SH2D7: variants seen among roughly 807,000 people sequenced by gnomAD.
SH2D7 encodes the protein SH2 domain containing 7, also known as SH2 domain-containing protein 7.
SH2D7 carries 32 observed loss-of-function variants against 40.8 expected under a neutral mutation model. That is an observed-to-expected ratio of 0.78 (90% CI 0.59 to 1.05). The LOEUF (loss-of-function observed/expected upper bound fraction) is 1.05. SH2D7 is among the 50% of genes least tolerant of loss of function. The pLI, the probability that SH2D7 is intolerant of heterozygous loss-of-function variation, is 0.00. For missense variants in SH2D7, 559 were observed against 566.6 expected (o/e 0.99, Z 0.14); for synonymous variants, 195 against 221.5 (o/e 0.88, Z 1.06).
At chr15:78,094,078 A>G in intron 1 of SH2D7, 34 bp from the exon 2 acceptor site, 1 of 1,574,310 alleles carries the variant, frequency 6.4e-7, no homozygotes, top group Non-Finnish European at 8.6e-7. Flanking sequence ...CCATTAGGGC[A>G]CAGACCCCAG....
chr15:78,100,208 C>T (rs905117791), intron 4 of SH2D7, among the ~76,000 whole-genome samples: 6 of 152,226 alleles, frequency 3.9e-5, no homozygotes, highest in African/African-American at 1.4e-4. Context: ...CACTGTCTGG[C>T]ACATAGTTGG....
Position 78,099,312 on chromosome 15 carries a change from CATTTTT to C in SH2D7, c.645+729_645+734del, listed in dbSNP as rs1347624956. Among the ~76,000 whole-genome samples the C allele has an allele frequency of 2.6e-5, 4 of 151,358 alleles. No individual in the cohort carries two copies. The East Asian group carries it at 5.9e-4, about 22-fold the overall frequency. On this transcript the variant is annotated intron_variant, in intron 4 of 5. Transcript: ENST00000328828. ...ACAGGCATGAGCCACTGTGCCCAGC[CATTTTT>C]ATTTTTATTTTTGAGACAGAGTCTC...
At chr15:78,090,623 CCATCATCATCATCAT>C (rs59098608), upstream of SH2D7, among the ~76,000 whole-genome samples, 15 of 146,458 alleles carry the variant, frequency 1.0e-4, no homozygotes, top group South Asian at 2.2e-4. Flanking sequence ...TCTTGCATCA[CCATCATCATCATCAT>C]CATCATCATC....
chr15:78,095,988 A>G (rs935547356), intron 2 of SH2D7, among the ~76,000 whole-genome samples: 1 of 151,990 alleles, frequency 6.6e-6, no homozygotes, highest in Non-Finnish European at 1.5e-5. Context: ...GACTACAGGC[A>G]CACGCCACCA....
chr15:78,093,866 A>G (rs1435784253), intron 1 of SH2D7, among the ~76,000 whole-genome samples: 1 of 152,208 alleles, frequency 6.6e-6, no homozygotes, highest in Admixed American at 6.5e-5. Flanking sequence ...GGGGGGTTGC[A>G]TATGGCTTCA....
At chr15:78,092,963 C>T (rs913666095) in intron 1 of SH2D7, among the ~76,000 whole-genome samples, 7 of 152,128 alleles carry the variant, frequency 4.6e-5, no homozygotes, top group Non-Finnish European at 1.0e-4. Flanking sequence ...GGGAGGGCAA[C>T]GGCCTCTACT....
At position 78,102,288 on chromosome 15, in the gene SH2D7, AT is replaced by A. The variant is rs2074023327; in HGVS notation, c.1305+734del. Among the ~76,000 whole-genome samples, 4 of 152,142 alleles carry A rather than the reference AT, an allele frequency of 2.6e-5. No individual in the cohort carries two copies. The South Asian group carries it at 8.3e-4, about 32-fold the overall frequency. On this transcript the variant is annotated intron_variant, in intron 5 of 5. Transcript: ENST00000328828. ...ACCAAACCAAAACAAAACAAAAACC[AT>A]TTTAAAGTATGTCTTAAATACCACA...
At chr15:78,099,840 G>T (rs2074000638) in intron 4 of SH2D7, among the ~76,000 whole-genome samples, 1 of 151,042 alleles carries the variant, frequency 6.6e-6, no homozygotes. Flanking sequence ...CCACCTCAGG[G>T]CCTCTGCACT....
intron 5 of SH2D7, among the ~76,000 whole-genome samples, chr15:78,102,694 G>A (rs993982860): frequency 1.3e-5 from 2 of 152,146 alleles, no homozygotes; most frequent in Non-Finnish European, 2.9e-5. Context: ...GGTCTGATAA[G>A]TAAGGAAGAG....
Position 78,101,430 on chromosome 15 carries a change from A to C in SH2D7, c.1177A>C (p.Ser393Arg). The C allele has an allele frequency of 6.2e-7, 1 of 1,613,384 alleles. No individual in the cohort carries two copies. The change falls in exon 5 of 6, where the codon AGT (serine) becomes CGT (arginine). Residue 393 changes from serine to arginine, a missense_variant. Physicochemically the swap from Ser to Arg is moderately radical, Grantham distance 110. Coordinates refer to ENST00000328828, the MANE Select transcript of SH2D7 (RefSeq NM_001101404.2). ...GPARAPHPGA[S>R]PTYSPWVHGY... ...AGCCAGGGCCCCACATCCTGGGGCC[A>C]GTCCCACATATAGCCCATGGGTCCA...
At chr15:78,092,471 G>A (rs2073945326), upstream of SH2D7, 16 of 1,198,098 alleles carry the variant, frequency 1.3e-5, no homozygotes, top group Non-Finnish European at 1.8e-5. Context: ...TGGGGCTGCT[G>A]TGTGCTATGG....
upstream of SH2D7, among the ~76,000 whole-genome samples, chr15:78,090,130 G>C (rs115755295): frequency 6.7e-3 from 1,020 of 152,248 alleles, 18 homozygotes; most frequent in African/African-American, 0.023. Context: ...CCCATCCCCA[G>C]GTGAGCTAAG....
chr15:78,092,547 A>G, upstream of SH2D7: 1 of 1,530,364 alleles, frequency 6.5e-7, no homozygotes, highest in South Asian at 1.2e-5. Context: ...AGGCATGTGC[A>G]CTGGCTGCGC....
rs2073985088 is a variant in SH2D7, at chr15:78,098,042, A to G, written c.380A>G (p.Gln127Arg). Residue 127 changes from glutamine (Q) to arginine (R), a missense_variant, in exon 3 of 6, where the codon CAG (glutamine) becomes CGG (arginine). By Grantham distance (43) the Gln-to-Arg change is conservative (BLOSUM62 1). Coordinates refer to ENST00000328828, the MANE Select transcript of SH2D7 (RefSeq NM_001101404.2). ...STLAELVHHY[Q>R]EAQLEPFKEM... is the part of the protein sequence containing the mutation. ...CTGGCTGAGCTTGTGCACCATTACCAGGAGGCACAGCTCGAGCCCTTCAAA... is the reference window on the plus strand; with the variant it reads ...CTGGCTGAGCTTGTGCACCATTACCGGGAGGCACAGCTCGAGCCCTTCAAA... 6.2e-7 allele frequency: 1 copy of G among 1,613,924 alleles called. No individual in the cohort carries two copies. Among genetic ancestry groups the G allele is most frequent in the Non-Finnish European group, 8.5e-7 (1 of 1,179,856 alleles).
At chr15:78,102,959 G>C (rs182839214) in intron 5 of SH2D7, among the ~76,000 whole-genome samples, 1 of 152,252 alleles carries the variant, frequency 6.6e-6, no homozygotes, top group East Asian at 1.9e-4. Flanking sequence ...GGGCAGGGCT[G>C]TGCCCACACA....
Position 78,101,011 on chromosome 15 carries a change from G to T in SH2D7, c.758G>T (p.Arg253Leu), listed in dbSNP as rs765594674. The T allele has an allele frequency of 1.2e-6, 2 of 1,613,774 alleles. No individual in the cohort carries two copies. Among genetic ancestry groups the T allele is most frequent in the South Asian group, 1.1e-5 (1 of 91,070 alleles). ...GACCTGAGGAGGATGAACCAGGCACGGCTAGGCTTGGGCACAGAGGGGTCC... is the reference window on the plus strand; with the variant it reads ...GACCTGAGGAGGATGAACCAGGCACTGCTAGGCTTGGGCACAGAGGGGTCC... ...YADLRRMNQA[R>L]LGLGTEGSGR... Residue 253 changes from arginine (R) to leucine (L), a missense_variant, in exon 5 of 6, where the codon CGG (arginine) becomes CTG (leucine). Coordinates refer to ENST00000328828, the MANE Select transcript of SH2D7 (RefSeq NM_001101404.2).
Position 78,103,699 on chromosome 15 carries a change from C to A in SH2D7, c.*184C>A. 1 of 638,030 alleles carries A rather than the reference C, an allele frequency of 1.6e-6. No individual in the cohort carries two copies. The highest frequency in any genetic ancestry group is 2.7e-6 in the Non-Finnish European group (1 of 376,698). 39.5% of individuals were successfully genotyped at this position (638,030 alleles called of 1,614,324 possible). A position where few individuals can be genotyped will look rare whatever the true frequency, so the allele number is the denominator to read the frequency against. On this transcript the variant is annotated 3_prime_UTR_variant, in exon 6 of 6. Coordinates refer to ENST00000328828, the MANE Select transcript of SH2D7 (RefSeq NM_001101404.2). ...TGAGAGCAGGTGGAAGAGGACCTTG[C>A]AGGTGCCTGCAGCTCCTGGCTATGT...
chr15:78,098,345 A>G (rs755120958), intron 3 of SH2D7, 39 bp from the exon 4 acceptor site: 31 of 1,605,286 alleles, frequency 1.9e-5, no homozygotes, highest in Non-Finnish European at 2.6e-5. Flanking sequence ...CTGGCTGGGC[A>G]TGTGTGACCA....
chr15:78,098,375 T>A lies in SH2D7; in HGVS notation c.433-9T>A, dbSNP rs1206995347. 1.9e-6 allele frequency: 3 copies of A among 1,612,688 alleles called. No individual in the cohort carries two copies. The highest frequency in any genetic ancestry group is 2.2e-5 in the East Asian group (1 of 44,884). On this transcript the variant is annotated splice_polypyrimidine_tract_variant and intron_variant, in intron 3 of 5. Coordinates refer to ENST00000328828, the MANE Select transcript of SH2D7 (RefSeq NM_001101404.2). ...TGACCACATACCTGCCGTATCCGCA[T>A]GCTCCCAGCCAGAGGACAATGATCT...
Sources: gnomAD v4.1 joint callset for allele counts (sites outside exome capture counted in the v4.1 genomes callset) on GRCh38, gnomAD v4.1.1 for gene constraint, MANE v1.5 for transcripts, NCBI Gene and HGNC (gene_info 2026-07-23, HGNC 2026-07-21) for gene names.